PTBP3: variants seen among roughly 807,000 people sequenced by gnomAD.
The protein encoded by PTBP3 is polypyrimidine tract binding protein 3.
Under a neutral mutation model 58.7 loss-of-function variants are expected in PTBP3, and 20 were observed. The ratio of observed to expected loss-of-function variants is 0.34; its 90% CI spans 0.24 to 0.50. The LOEUF (loss-of-function observed/expected upper bound fraction) is 0.50, where lower values mean the gene tolerates loss of function less well. Ranked by LOEUF, PTBP3 falls within the 20% of genes least tolerant of loss-of-function variation. The pLI, the probability that PTBP3 is intolerant of heterozygous loss-of-function variation, is 0.98. For synonymous variants in PTBP3, 185 were observed against 219.8 expected, an observed-to-expected ratio of 0.84 and a Z score of 1.40; for missense variants, 509 against 637.2, an observed-to-expected ratio of 0.80 and a Z score of 2.17.
At chr9:112,233,179 T>C (rs1177947698) in intron 8 of PTBP3, among the ~76,000 whole-genome samples, 1 of 151,820 alleles carries the variant, frequency 6.6e-6, no homozygotes, top group Non-Finnish European at 1.5e-5. Context: ...CATATTCCCA[T>C]GCCCCTCCAG....
At chr9:112,301,465 A>C (rs1310588744) in intron 1 of PTBP3, among the ~76,000 whole-genome samples, 2 of 152,040 alleles carry the variant, frequency 1.3e-5, no homozygotes, top group Admixed American at 1.3e-4. Flanking sequence ...AGAAAAAAAA[A>C]AACAAACAAA....
chr9:112,355,438 A>G, the PTBP3 span, among the ~76,000 whole-genome samples: 2 of 152,188 alleles, frequency 1.3e-5, no homozygotes. Context: ...CAGAAAACTC[A>G]GTAACAAGAT....
chr9:112,262,721 C>T (rs888856705), intron 4 of PTBP3, 122 bp from the exon 5 acceptor site: 15 of 826,182 alleles, frequency 1.8e-5, no homozygotes, highest in Non-Finnish European at 2.2e-5. Context: ...TTATCTACTC[C>T]GTCTGGAGAT....
At chr9:112,376,156 G>GATATAT in the PTBP3 span, among the ~76,000 whole-genome samples, 859 of 116,790 alleles carry the variant, frequency 7.4e-3, 16 homozygotes, top group African/African-American at 0.011. Flanking sequence ...TTCTCTAGAG[G>GATATAT]ATATATATAT....
At chr9:112,349,584 C>T in the PTBP3 span, among the ~76,000 whole-genome samples, 2 of 151,982 alleles carry the variant, frequency 1.3e-5, no homozygotes, top group South Asian at 2.1e-4. Flanking sequence ...ATTTACCAGG[C>T]GCGGTGGCTC....
intron 1 of PTBP3, among the ~76,000 whole-genome samples, chr9:112,314,539 T>C (rs1476952176): frequency 1.3e-5 from 2 of 151,894 alleles, no homozygotes; most frequent in Non-Finnish European, 2.9e-5. Flanking sequence ...CTACAAAAAT[T>C]TAAAAATTAG....
chr9:112,252,538 C>T, intron 6 of PTBP3, 140 bp downstream of exon 6: 1 of 627,094 alleles, frequency 1.6e-6, no homozygotes. Flanking sequence ...AACATGGAAT[C>T]ATACACTTTA....
chr9:112,343,042 A>G, the PTBP3 span, among the ~76,000 whole-genome samples: 1 of 152,138 alleles, frequency 6.6e-6, no homozygotes, highest in East Asian at 1.9e-4. Flanking sequence ...AAAAGGAACC[A>G]AGACTCCTCA....
chr9:112,235,446 A>C (rs1162876131), intron 7 of PTBP3, among the ~76,000 whole-genome samples: 2 of 152,180 alleles, frequency 1.3e-5, no homozygotes, highest in Admixed American at 6.6e-5. Context: ...GTAATTGAAG[A>C]AGCACAGTAC....
At position 112,223,818 on chromosome 9, in the gene PTBP3, G is replaced by A. The variant is rs1834883636; in HGVS notation, c.*33C>T. 6.2e-7 allele frequency: 1 copy of A among 1,612,780 alleles called. No individual in the cohort carries two copies. The highest frequency in any genetic ancestry group is 8.5e-7 in the Non-Finnish European group (1 of 1,179,494). Reference sequence around the variant, plus strand: ...TGTCTGAAGGTTTTACTGAAATTATGGTCCAGTTTTAGGAGAAAAATTCAC... The same window carrying A: ...TGTCTGAAGGTTTTACTGAAATTATAGTCCAGTTTTAGGAGAAAAATTCAC... On this transcript the variant is annotated 3_prime_UTR_variant, in exon 14 of 14. Coordinates refer to ENST00000374257, the MANE Select transcript of PTBP3 (RefSeq NM_001163788.4).
At position 112,256,294 on chromosome 9, in the gene PTBP3, C is replaced by CATATAT. The variant is rs370450580; in HGVS notation, c.517-3512_517-3507dup. Among the ~76,000 whole-genome samples the CATATAT allele has an allele frequency of 2.7e-3, 162 of 59,000 alleles. 1 individual carries two copies. Among genetic ancestry groups the CATATAT allele is most frequent in the Middle Eastern group, 8.3e-3 (1 of 120 alleles). The allele number at this position is 59,000 out of a possible 152,430, so 38.7% of individuals were successfully genotyped here. A position where few individuals can be genotyped will look rare whatever the true frequency, so the allele number is the denominator to read the frequency against. On this transcript the variant is annotated intron_variant, in intron 5 of 13. Coordinates refer to ENST00000374257, the MANE Select transcript of PTBP3 (RefSeq NM_001163788.4). ...CAAAATATATATATATATATATATA[C>CATATAT]ATATATATATATATATTTATCTATC... is the stretch of plus-strand genomic sequence containing the variant.
At chr9:112,260,904 G>A (rs1836566835) in intron 5 of PTBP3, among the ~76,000 whole-genome samples, 1 of 152,158 alleles carries the variant, frequency 6.6e-6, no homozygotes, top group African/African-American at 2.4e-5. Flanking sequence ...GATCTCTTGA[G>A]GGAAAAACAA....
chr9:112,347,600 C>T, the PTBP3 span, among the ~76,000 whole-genome samples: 1 of 152,064 alleles, frequency 6.6e-6, no homozygotes. Flanking sequence ...GTCTTGGCCT[C>T]CCAAAGTGCT....
Position 112,324,123 on chromosome 9 carries a change from G to GT in PTBP3, c.-52+9346dup, listed in dbSNP as rs533791891. On this transcript the variant is annotated intron_variant, in intron 1 of 13. Coordinates refer to ENST00000374257, the MANE Select transcript of PTBP3 (RefSeq NM_001163788.4). ...GAAAGTGAAGTGAAATATTTAAAGAGTTTTTTTAAAAAAAGGAAAAGAAAA... is the reference window on the plus strand; with the variant it reads ...GAAAGTGAAGTGAAATATTTAAAGAGTTTTTTTTAAAAAAAGGAAAAGAAAA... 5.3e-5 allele frequency among the ~76,000 whole-genome samples: 8 copies of GT among 151,556 alleles called. No homozygotes were observed. The South Asian group carries it at 1.7e-3, about 32-fold the overall frequency.
At chr9:112,277,933 TAACATAACATAATATAACATAACATAAC>T (rs1564427563) in intron 2 of PTBP3, among the ~76,000 whole-genome samples, 10 of 98,188 alleles carry the variant, frequency 1.0e-4, no homozygotes, top group African/African-American at 2.0e-4. Flanking sequence ...TAACATAACA[TAACATAACATAATATAACATAACATAAC>T]ATAACATAAC....
chr9:112,356,057 TTCTCTC>T, the PTBP3 span, among the ~76,000 whole-genome samples: 2 of 148,342 alleles, frequency 1.3e-5, no homozygotes, highest in African/African-American at 4.9e-5. Flanking sequence ...CTCCCTCCCT[TTCTCTC>T]TCTCTCTCTC....
chr9:112,320,182 G>A (rs979513997), intron 1 of PTBP3, among the ~76,000 whole-genome samples: 9 of 151,058 alleles, frequency 6.0e-5, no homozygotes, highest in Admixed American at 2.6e-4. Context: ...GGAGGCTGAG[G>A]TGGGAGGATC....
At chr9:112,253,871 ACCT>A (rs1397187351) in intron 5 of PTBP3, among the ~76,000 whole-genome samples, 1 of 151,824 alleles carries the variant, frequency 6.6e-6, no homozygotes, top group Non-Finnish European at 1.5e-5. Context: ...AGTCAATTAA[ACCT>A]CTTTTGTTTA....
the PTBP3 span, among the ~76,000 whole-genome samples, chr9:112,349,210 AT>A: frequency 6.6e-6 from 1 of 152,114 alleles, no homozygotes; most frequent in Admixed American, 6.6e-5. Flanking sequence ...GAACAATCAG[AT>A]TTGATGAGCT....
Sources: allele counts gnomAD v4.1 joint callset (sites outside exome capture counted in the v4.1 genomes callset), GRCh38; gene constraint gnomAD v4.1.1; transcripts MANE v1.5; gene names NCBI Gene and HGNC (gene_info 2026-07-23, HGNC 2026-07-21).